SETD9: variants seen among roughly 807,000 people sequenced by gnomAD.
The protein encoded by SETD9 is SET domain-containing protein 9.
A neutral mutation model predicts 36.4 loss-of-function variants in SETD9; 37 were observed. That is an observed-to-expected ratio of 1.02 (90% confidence interval 0.78 to 1.34). The LOEUF (loss-of-function observed/expected upper bound fraction) is 1.34, where lower values mean the gene tolerates loss of function less well. Among genes scored for constraint, SETD9 ranks in the 40% most tolerant of loss-of-function variants. The pLI is 0.00. For synonymous variants in SETD9, 128 were observed against 132.9 expected (o/e 0.96, Z 0.26); for missense variants, 323 against 353.2 (o/e 0.91, Z 0.69).
At position 56,916,840 on chromosome 5, in the gene SETD9, G is replaced by A. The variant is rs762213472; in HGVS notation, c.838G>A (p.Ala280Thr). Reference protein sequence around the residue: ...QSPLRCVVLVALRDINQGEEL... With the variant: ...QSPLRCVVLVTLRDINQGEEL... ...CCCACTTCGATGTGTTGTTCTTGTCGCACTTAGGGACATCAATCAAGGAGA... is the reference window on the plus strand; with the variant it reads ...CCCACTTCGATGTGTTGTTCTTGTCACACTTAGGGACATCAATCAAGGAGA... The change falls in exon 6 of 6, where the codon GCA becomes ACA. Residue 280 changes from alanine (A) to threonine (T), a missense_variant. Coordinates refer to ENST00000285947, the MANE Select transcript of SETD9 (RefSeq NM_153706.4). The A allele has an allele frequency of 6.9e-6, 11 of 1,604,946 alleles. No individual in the cohort carries two copies. Among genetic ancestry groups the A allele is most frequent in the Middle Eastern group, 1.6e-4 (1 of 6,074 alleles).
At position 56,917,197 on chromosome 5, in the gene SETD9, CTTTT is replaced by C. The variant is rs2112038644; in HGVS notation, c.*296_*299del. On this transcript the variant is annotated 3_prime_UTR_variant, in exon 6 of 6. Coordinates refer to ENST00000285947, the MANE Select transcript of SETD9 (RefSeq NM_153706.4). ...CTTTGAACTTATAATTTCAATTTTT[CTTTT>C]GTTTATTTTGTAAGCTCTGTGGTGG... is the stretch of plus-strand genomic sequence containing the variant. 1.9e-6 allele frequency: 2 copies of C among 1,074,258 alleles called. No individual in the cohort carries two copies. The highest frequency in any genetic ancestry group is 6.3e-5 in the South Asian group (2 of 31,978). 66.5% of individuals were successfully genotyped at this position (1,074,258 alleles called of 1,614,324 possible). A position where few individuals can be genotyped will look rare whatever the true frequency, so the allele number is the denominator to read the frequency against.
chr5:56,916,943 T>C lies in SETD9; in HGVS notation c.*41T>C. On this transcript the variant is annotated 3_prime_UTR_variant, in exon 6 of 6. Coordinates refer to ENST00000285947, the MANE Select transcript of SETD9 (RefSeq NM_153706.4). ...ATTATTAGGTTTTCTACTCAGCTAT[T>C]AATTCTAAGTGTTTTTTGTTAATCA... is the stretch of plus-strand genomic sequence containing the variant. 6.4e-7 allele frequency: 1 copy of C among 1,557,786 alleles called. No individual in the cohort carries two copies. The highest frequency in any genetic ancestry group is 8.6e-7 in the Non-Finnish European group (1 of 1,159,434).
Position 56,910,444 on chromosome 5 carries a change from C to T in SETD9, c.98+701C>T, listed in dbSNP as rs566168061. The T allele has an allele frequency of 7.1e-6, 9 of 1,263,428 alleles. No individual in the cohort carries two copies. In the South Asian group the frequency reaches 7.7e-5, roughly 11 times the overall value. 78.3% of individuals were successfully genotyped at this position (1,263,428 alleles called of 1,614,324 possible). ...GGCGCACCAGTGATCAGCTCAACAC[C>T]GTGCTCACCAAAGAGGCCGACCGGG... On this transcript the variant is annotated intron_variant, in intron 1 of 5. Coordinates refer to ENST00000285947, the MANE Select transcript of SETD9 (RefSeq NM_153706.4).
At chr5:56,928,236 T>C (rs1306972182), downstream of SETD9, 2 of 152,264 alleles carry the variant, frequency 1.3e-5, no homozygotes. Flanking sequence ...GATTATTTAA[T>C]TATACGGTAA....
chr5:56,909,796 C>A lies in SETD9; in HGVS notation c.98+53C>A. On this transcript the variant is annotated intron_variant, in intron 1 of 5. Coordinates refer to ENST00000285947, the MANE Select transcript of SETD9 (RefSeq NM_153706.4). ...GGCACCTGCCTTCGGTTCCCAGACG[C>A]CACCACGGCGGCGGGACGCAAAGCG... The A allele has an allele frequency of 2.0e-6, 3 of 1,533,920 alleles. No individual in the cohort carries two copies. The Admixed American group carries it at 5.3e-5, about 27-fold the overall frequency.
At position 56,914,929 on chromosome 5, in the gene SETD9, T is replaced by C; in HGVS notation, c.775T>C (p.Tyr259His). The change falls in exon 5 of 6, where the codon TAT (tyrosine) becomes CAT (histidine). Residue 259 changes from tyrosine to histidine, a missense_variant. Tyr to His is a moderately conservative substitution (Grantham distance 83). Coordinates refer to ENST00000285947, the MANE Select transcript of SETD9 (RefSeq NM_153706.4). ...PAVFPIELKQYLPNIAYSYDK... is the reference protein window; with the variant it reads ...PAVFPIELKQHLPNIAYSYDK... ...AGTTTTCCCTATAGAACTGAAGCAG[T>C]ATCTTCCAAACATTGCCTACAGCTA... 6.3e-7 allele frequency: 1 copy of C among 1,599,034 alleles called. No homozygotes were observed.
exon 6 of SETD9, chr5:56,925,350 G>A (rs576717850): frequency 1.5e-4 from 70 of 454,312 alleles, no homozygotes; most frequent in Admixed American, 1.1e-3. Flanking sequence ...GACTGTCTAC[G>A]TAGAAAACTC....
At chr5:56,909,887 G>A in intron 1 of SETD9, 144 bp downstream of exon 1, 1 of 780,614 alleles carries the variant, frequency 1.3e-6, no homozygotes, top group Non-Finnish European at 1.9e-6. Flanking sequence ...TGAGGTGGGC[G>A]GGCCGGGTGG....
chr5:56,913,091 C>G lies in SETD9; in HGVS notation c.547C>G (p.Leu183Val), dbSNP rs1300699535. ...TATTTTTAGATGCCTGGATGGGGTA[C>G]TCATTGATGGGAATGACAAAGGGAT... ...PFIFRCLDGV[L>V]IDGNDKGISK... is the part of the protein sequence containing the mutation. Residue 183 changes from leucine (L) to valine (V), a missense_variant, in exon 3 of 6, where the codon CTC becomes GTC. By Grantham distance (32) the Leu-to-Val change is conservative. Coordinates refer to ENST00000285947, the MANE Select transcript of SETD9 (RefSeq NM_153706.4). 6.2e-7 allele frequency: 1 copy of G among 1,613,978 alleles called. No individual in the cohort carries two copies. The highest frequency in any genetic ancestry group is 1.3e-5 in the African/African-American group (1 of 74,990).
At chr5:56,923,397 G>A in intron 5 of SETD9, 2 of 1,614,164 alleles carry the variant, frequency 1.2e-6, no homozygotes, top group Non-Finnish European at 1.7e-6. Context: ...AGCTCCGAGT[G>A]ATAAAATCCA....
At chr5:56,927,722 C>T (rs546843494), downstream of SETD9, among the ~76,000 whole-genome samples, 4 of 152,134 alleles carry the variant, frequency 2.6e-5, no homozygotes, top group South Asian at 4.2e-4. Flanking sequence ...CACATCAACA[C>T]GCAAAGACCA....
chr5:56,922,042 C>G (rs550816708), downstream of SETD9: 1 of 152,610 alleles, frequency 6.6e-6, no homozygotes, highest in Non-Finnish European at 1.5e-5. Flanking sequence ...TCACATTATT[C>G]TTGCCAACTG....
downstream of SETD9, chr5:56,920,123 A>G (rs770021939): frequency 6.6e-5 from 10 of 152,610 alleles, no homozygotes; most frequent in South Asian, 1.2e-3. Context: ...TATGAGCCTC[A>G]ACATTTTAAA....
intron 5 of SETD9, chr5:56,922,374 G>A (rs1252400262): frequency 6.6e-6 from 1 of 152,498 alleles, no homozygotes; most frequent in African/African-American, 2.4e-5. Context: ...AAGTTACACA[G>A]AAATCTCCTG....
At chr5:56,923,780 T>C in intron 5 of SETD9, 2 of 1,614,178 alleles carry the variant, frequency 1.2e-6, no homozygotes, top group East Asian at 2.2e-5. Flanking sequence ...GGCTGAAGCA[T>C]TTACCGTCCC....
chr5:56,909,967 G>C, intron 1 of SETD9: 4 of 1,243,912 alleles, frequency 3.2e-6, no homozygotes, highest in South Asian at 3.2e-5. Flanking sequence ...GGTTGGTGGA[G>C]TCCGAGGCCC....
intron 5 of SETD9, chr5:56,923,052 G>GA: frequency 7.9e-7 from 1 of 1,263,738 alleles, no homozygotes; most frequent in African/African-American, 1.5e-5. Context: ...AACTTCCAGT[G>GA]AAAGACTATG....
At chr5:56,924,983 C>T (rs1370645659) in intron 5 of SETD9, among the ~76,000 whole-genome samples, 1 of 152,190 alleles carries the variant, frequency 6.6e-6, no homozygotes, top group African/African-American at 2.4e-5. Flanking sequence ...CGTGGGGCTA[C>T]AGACCTTTTC....
downstream of SETD9, chr5:56,921,571 A>G (rs1749675124): frequency 6.6e-6 from 1 of 152,622 alleles, no homozygotes; most frequent in Non-Finnish European, 1.5e-5. Context: ...AAGAATACAC[A>G]TCATCCAAAA....
Sources: allele counts gnomAD v4.1 joint callset (sites outside exome capture counted in the v4.1 genomes callset), GRCh38; gene constraint gnomAD v4.1.1; transcripts MANE v1.5; gene names NCBI Gene and HGNC (gene_info 2026-07-23, HGNC 2026-07-21).